Variants in BACH2 observed in about 807,000 individuals in gnomAD.
BACH2 encodes the protein transcription regulator protein BACH2.
BACH2 carries 5 observed loss-of-function variants against 61.8 expected under a neutral mutation model. That is an observed-to-expected ratio of 0.08 (90% CI 0.04 to 0.17). BACH2 has a LOEUF of 0.17. BACH2 is among the 10% of genes least tolerant of loss of function. The pLI is 1.00. For missense variants in BACH2, 824 were observed against 1,091.1 expected (o/e 0.76, Z 3.45); for synonymous variants, 446 against 440.1 (o/e 1.01, Z -0.17).
intron 2 of BACH2, among the ~76,000 whole-genome samples, chr6:90,267,679 A>T (rs955764539): frequency 1.3e-5 from 2 of 152,218 alleles, no homozygotes; most frequent in Non-Finnish European, 2.9e-5. Flanking sequence ...TGGTACAACG[A>T]TACCATAGGA....
At chr6:90,177,847 A>T (rs1381556119) in intron 4 of BACH2, among the ~76,000 whole-genome samples, 1 of 152,184 alleles carries the variant, frequency 6.6e-6, no homozygotes, top group Admixed American at 6.5e-5. Flanking sequence ...ATAAGAAGGT[A>T]CTGTGAATCA....
intron 4 of BACH2, among the ~76,000 whole-genome samples, chr6:90,184,981 T>A (rs927457023): frequency 4.6e-5 from 7 of 152,222 alleles, no homozygotes; most frequent in African/African-American, 1.7e-4. Context: ...CTTTAGAGAC[T>A]GAAGGAGTTA....
intron 1 of BACH2, among the ~76,000 whole-genome samples, chr6:90,282,164 TTTTTC>T (rs1335016969): frequency 4.6e-5 from 7 of 152,196 alleles, no homozygotes; most frequent in African/African-American, 9.7e-5. Context: ...TTGTCCATGT[TTTTTC>T]TTTTAAGTTC....
chr6:90,234,950 T>C (rs1317169349), intron 3 of BACH2, among the ~76,000 whole-genome samples: 1 of 152,204 alleles, frequency 6.6e-6, no homozygotes, highest in Non-Finnish European at 1.5e-5. Flanking sequence ...TTCTCCATCA[T>C]TGGCTCCCCT....
At chr6:89,937,873 A>G (rs1000874300) in intron 8 of BACH2, among the ~76,000 whole-genome samples, 8 of 152,354 alleles carry the variant, frequency 5.3e-5, no homozygotes, top group Middle Eastern at 3.4e-3. Flanking sequence ...ATAAAAAATA[A>G]CTACCTCTAT....
intron 1 of BACH2, among the ~76,000 whole-genome samples, chr6:90,283,678 T>TGACCTCGTGATCCACCCGCCTCGA (rs1562541985): frequency 6.6e-6 from 1 of 152,064 alleles, no homozygotes; most frequent in African/African-American, 2.4e-5. Flanking sequence ...CCCGGCCTCC[T>TGACCTCGTGATCCACCCGCCTCGA]CATGCATTTT....
At chr6:90,155,697 GCT>G (rs898730288) in intron 4 of BACH2, among the ~76,000 whole-genome samples, 7 of 152,056 alleles carry the variant, frequency 4.6e-5, no homozygotes, top group African/African-American at 1.4e-4. Context: ...CCTCTTTCCT[GCT>G]CTGTTTTTAA....
At chr6:90,110,216 T>C (rs148816670) in intron 4 of BACH2, among the ~76,000 whole-genome samples, 179 of 152,360 alleles carry the variant, frequency 1.2e-3, no homozygotes, top group African/African-American at 4.1e-3. Flanking sequence ...TTTCATCATC[T>C]TTTGATAACT....
chr6:90,241,749 A>G (rs1368335593), intron 3 of BACH2, among the ~76,000 whole-genome samples: 1 of 151,996 alleles, frequency 6.6e-6, no homozygotes, highest in African/African-American at 2.4e-5. Flanking sequence ...CAAACTGCTT[A>G]TTTTTTTAAC....
intron 3 of BACH2, among the ~76,000 whole-genome samples, chr6:90,245,465 C>T (rs1037072675): frequency 3.9e-5 from 6 of 151,992 alleles, no homozygotes; most frequent in African/African-American, 4.8e-5. Context: ...TGTTGTGGTG[C>T]GTGCCTGTAG....
chr6:90,296,099 G>C (rs980841367), intron 1 of BACH2, among the ~76,000 whole-genome samples: 1 of 151,976 alleles, frequency 6.6e-6, no homozygotes, highest in East Asian at 1.9e-4. Flanking sequence ...GCTGCGGCTC[G>C]CGCGGACGCG....
intron 5 of BACH2, among the ~76,000 whole-genome samples, chr6:90,074,952 G>C (rs955358984): frequency 2.0e-5 from 3 of 152,150 alleles, no homozygotes; most frequent in African/African-American, 7.2e-5. Context: ...AACCTCTACA[G>C]AATGGAAGAG....
At chr6:90,228,208 A>T (rs1449373340) in intron 3 of BACH2, among the ~76,000 whole-genome samples, 1 of 152,242 alleles carries the variant, frequency 6.6e-6, no homozygotes, top group African/African-American at 2.4e-5. Context: ...TCTGAGGATA[A>T]AGTCTGAGTC....
At chr6:90,153,755 G>GT (rs1241067258) in intron 4 of BACH2, among the ~76,000 whole-genome samples, 1 of 152,192 alleles carries the variant, frequency 6.6e-6, no homozygotes, top group Non-Finnish European at 1.5e-5. Context: ...GCACAAGGCA[G>GT]TGAGGAAATA....
In BACH2 at chr6:89,951,151, T is replaced by A. The variant is rs754815178; in HGVS notation, c.955A>T (p.Thr319Ser). Reference protein sequence around the residue: ...MDRKQPSPAPTPTAPAGAACL... With the variant: ...MDRKQPSPAPSPTAPAGAACL... ...GCGGCCCCAGCTGGGGCCGTGGGGG[T>A]AGGGGCAGGGCTGGGCTGTTTCCGG... The change falls in exon 7 of 9, where the codon ACC becomes TCC. Residue 319 changes from threonine to serine, a missense_variant. Physicochemically the swap from Thr to Ser is moderately conservative, Grantham distance 58. Around this residue, in one of 8 missense-constraint regions of BACH2, gnomAD observed 226 missense variants for 228.5 expected, o/e 0.99. Coordinates refer to ENST00000257749, the MANE Select transcript of BACH2 (RefSeq NM_021813.4). This position sits in a 1 kb window ranked among gnomAD's most constrained non-coding sequence, Gnocchi z 6.4. The A allele has an allele frequency of 3.1e-6, 5 of 1,590,102 alleles. No homozygotes were observed. The highest frequency in any genetic ancestry group is 4.3e-6 in the Non-Finnish European group (5 of 1,169,582).
At chr6:90,231,528 C>T (rs556054550) in intron 3 of BACH2, among the ~76,000 whole-genome samples, 136 of 152,282 alleles carry the variant, frequency 8.9e-4, no homozygotes, top group African/African-American at 3.1e-3. Context: ...GAGCCTAATC[C>T]AAAAGATTAC....
intron 3 of BACH2, among the ~76,000 whole-genome samples, chr6:90,240,311 CTT>C (rs909318253): frequency 1.3e-5 from 2 of 152,056 alleles, no homozygotes; most frequent in African/African-American, 4.8e-5. Context: ...TGCAAAATAA[CTT>C]ATAAAGTAAT....
At chr6:90,088,888 T>A (rs2127807420) in intron 5 of BACH2, 73 bp downstream of exon 5, 1 of 152,472 alleles carries the variant, frequency 6.6e-6, no homozygotes, top group South Asian at 2.1e-4. Context: ...GTGCTTGGGC[T>A]ATTTGTTACT....
intron 4 of BACH2, among the ~76,000 whole-genome samples, chr6:90,165,596 C>T (rs537382459): frequency 4.5e-4 from 69 of 152,190 alleles, no homozygotes; most frequent in African/African-American, 1.7e-3. Context: ...GCCCGCATCG[C>T]CAAGTCAATC....
Sources: gnomAD v4.1 joint callset for allele counts (sites outside exome capture counted in the v4.1 genomes callset) on GRCh38, gnomAD v4.1.1 for gene constraint, gnomAD v4.1.1 regional missense constraint, Gnocchi (gnomAD v3.1) non-coding constraint, MANE v1.5 for transcripts, NCBI Gene and HGNC (gene_info 2026-07-23, HGNC 2026-07-21) for gene names.